The following NXPH2 variants were observed in gnomAD, a reference collection of about 807,000 sequenced individuals.
The protein encoded by NXPH2 is neurexophilin-2.
In NXPH2, 5 loss-of-function variants were observed where a neutral mutation model predicts 19.8. The ratio of observed to expected loss-of-function variants is 0.25; its 90% CI spans 0.13 to 0.53. NXPH2 has a LOEUF of 0.53. Among genes scored for constraint, NXPH2 ranks in the 20% least tolerant of loss-of-function variants. The pLI is 0.96. For missense variants in NXPH2, 289 were observed against 322.8 expected, an observed-to-expected ratio of 0.90 and a Z score of 0.80; for synonymous variants, 154 against 127.4, an observed-to-expected ratio of 1.21 and a Z score of -1.41.
chr2:138,682,713 C>T (rs1181047013), intron 1 of NXPH2, among the ~76,000 whole-genome samples: 2 of 152,108 alleles, frequency 1.3e-5, no homozygotes, highest in Admixed American at 1.3e-4. Flanking sequence ...AATGTGAAGA[C>T]AGAAATCTTA....
intron 1 of NXPH2, among the ~76,000 whole-genome samples, chr2:138,687,318 T>G (rs1183639296): frequency 6.6e-6 from 1 of 152,262 alleles, no homozygotes. Flanking sequence ...GATGAGCATT[T>G]TTTCATGTGT....
At chr2:138,743,308 A>G (rs556706486) in intron 1 of NXPH2, among the ~76,000 whole-genome samples, 1 of 152,370 alleles carries the variant, frequency 6.6e-6, no homozygotes, top group Admixed American at 6.5e-5. Context: ...TGGATAAATA[A>G]AATGTGGTAC....
At chr2:138,682,719 T>A (rs1454641381) in intron 1 of NXPH2, among the ~76,000 whole-genome samples, 1 of 152,154 alleles carries the variant, frequency 6.6e-6, no homozygotes, top group Non-Finnish European at 1.5e-5. Flanking sequence ...AAGACAGAAA[T>A]CTTAGCAGTA....
At chr2:138,726,812 A>C (rs1681367907) in intron 1 of NXPH2, among the ~76,000 whole-genome samples, 1 of 152,152 alleles carries the variant, frequency 6.6e-6, no homozygotes, top group African/African-American at 2.4e-5. Context: ...CACTTATTAG[A>C]GTGAACATTA....
intron 1 of NXPH2, among the ~76,000 whole-genome samples, chr2:138,778,920 T>C (rs956682595): frequency 1.3e-5 from 2 of 152,202 alleles, no homozygotes; most frequent in Non-Finnish European, 2.9e-5. Context: ...GTTAACGCTG[T>C]GCAGGTGAAG....
chr2:138,690,423 C>T (rs1353582779), intron 1 of NXPH2, among the ~76,000 whole-genome samples: 1 of 152,134 alleles, frequency 6.6e-6, no homozygotes, highest in East Asian at 1.9e-4. Context: ...CCACTGTTCA[C>T]CCTCCTCAGT....
chr2:138,679,841 T>G (rs1027831101), intron 1 of NXPH2, among the ~76,000 whole-genome samples: 3 of 152,202 alleles, frequency 2.0e-5, no homozygotes, highest in African/African-American at 7.2e-5. Flanking sequence ...GGATTAAGTT[T>G]ATTGCTTCAC....
intron 1 of NXPH2, among the ~76,000 whole-genome samples, chr2:138,721,359 G>A (rs116232571): frequency 0.021 from 3,167 of 151,976 alleles, 50 homozygotes; most frequent in Non-Finnish European, 0.033. Context: ...AAAATTGCCA[G>A]AGGTGGGGAA....
At chr2:138,687,061 T>C (rs1359294358) in intron 1 of NXPH2, among the ~76,000 whole-genome samples, 1 of 152,230 alleles carries the variant, frequency 6.6e-6, no homozygotes, top group African/African-American at 2.4e-5. Flanking sequence ...TTTTTGGGTA[T>C]ATACCCAGTA....
chr2:138,757,851 A>G (rs1209290611), intron 1 of NXPH2, among the ~76,000 whole-genome samples: 1 of 142,444 alleles, frequency 7.0e-6, no homozygotes, highest in African/African-American at 2.5e-5. Context: ...CTATCTATCT[A>G]TCTATCTATC....
At chr2:138,753,437 T>C (rs1311734742) in intron 1 of NXPH2, among the ~76,000 whole-genome samples, 1 of 152,142 alleles carries the variant, frequency 6.6e-6, no homozygotes, top group Non-Finnish European at 1.5e-5. Context: ...GAATCAGTCA[T>C]TTCTCCAAGA....
chr2:138,700,734 GTCCTC>G, intron 1 of NXPH2, among the ~76,000 whole-genome samples: 1 of 151,798 alleles, frequency 6.6e-6, no homozygotes, highest in Non-Finnish European at 1.5e-5. Context: ...ACTTCTTAAT[GTCCTC>G]CCTCCTGCTT....
intron 1 of NXPH2, among the ~76,000 whole-genome samples, chr2:138,701,263 T>C (rs1202858731): frequency 1.3e-5 from 2 of 152,182 alleles, no homozygotes; most frequent in African/African-American, 4.8e-5. Context: ...TAGCCTGGTG[T>C]GGTATCAGCC....
At chr2:138,692,328 C>T (rs1680757861) in intron 1 of NXPH2, among the ~76,000 whole-genome samples, 1 of 152,122 alleles carries the variant, frequency 6.6e-6, no homozygotes. Flanking sequence ...TTTATACCAG[C>T]GAAACATCAA....
At chr2:138,693,960 C>G (rs1450582849) in intron 1 of NXPH2, among the ~76,000 whole-genome samples, 1 of 152,156 alleles carries the variant, frequency 6.6e-6, no homozygotes, top group Non-Finnish European at 1.5e-5. Context: ...CTTGCTTAAG[C>G]TGCAAACATG....
chr2:138,690,204 A>G (rs1399043052), intron 1 of NXPH2, among the ~76,000 whole-genome samples: 1 of 152,024 alleles, frequency 6.6e-6, no homozygotes, highest in Non-Finnish European at 1.5e-5. Context: ...GTTCTTCTTG[A>G]TACCTCCCTC....
intron 1 of NXPH2, among the ~76,000 whole-genome samples, chr2:138,750,176 T>G (rs1333077187): frequency 6.6e-6 from 1 of 152,160 alleles, no homozygotes; most frequent in Non-Finnish European, 1.5e-5. Flanking sequence ...ATACAAGTCT[T>G]CTTTATTCTT....
chr2:138,756,662 A>G (rs1681913803), intron 1 of NXPH2, among the ~76,000 whole-genome samples: 1 of 152,146 alleles, frequency 6.6e-6, no homozygotes, highest in African/African-American at 2.4e-5. Context: ...GGTGGCATAA[A>G]TACGTTGGAT....
intron 1 of NXPH2, among the ~76,000 whole-genome samples, chr2:138,675,174 A>AT (rs1277908658): frequency 6.6e-6 from 1 of 152,164 alleles, no homozygotes; most frequent in Non-Finnish European, 1.5e-5. Context: ...ATTCAAAAGT[A>AT]TTTTTTCAAC....
Sources: allele counts gnomAD v4.1 joint callset (sites outside exome capture counted in the v4.1 genomes callset), GRCh38; gene constraint gnomAD v4.1.1; transcripts MANE v1.5; gene names NCBI Gene and HGNC (gene_info 2026-07-23, HGNC 2026-07-21).